XKR4: variants seen among roughly 807,000 people sequenced by gnomAD.
XKR4 encodes the protein XK related 4.
Under a neutral mutation model 53.9 loss-of-function variants are expected in XKR4, and 12 were observed. That is an observed-to-expected ratio of 0.22 (90% CI 0.14 to 0.36). The LOEUF (loss-of-function observed/expected upper bound fraction) is 0.36. Among genes scored for constraint, XKR4 ranks in the 10% least tolerant of loss-of-function variants. XKR4 has a pLI of 1.00. For missense variants in XKR4, 799 were observed against 859.5 expected, an observed-to-expected ratio of 0.93 and a Z score of 0.88; for synonymous variants, 354 against 362.4, an observed-to-expected ratio of 0.98 and a Z score of 0.26.
At chr8:55,337,046 G>C (rs1803471223) in intron 1 of XKR4, among the ~76,000 whole-genome samples, 1 of 152,060 alleles carries the variant, frequency 6.6e-6, no homozygotes, top group African/African-American at 2.4e-5. Flanking sequence ...CTTTATATTT[G>C]GGTCTGAAAC....
chr8:55,321,449 C>G (rs1432527903), intron 1 of XKR4, among the ~76,000 whole-genome samples: 1 of 152,146 alleles, frequency 6.6e-6, no homozygotes, highest in Non-Finnish European at 1.5e-5. Context: ...CAAAACAAAG[C>G]TGTTCTCACG....
At chr8:55,477,780 C>T (rs183003423) in intron 2 of XKR4, among the ~76,000 whole-genome samples, 14 of 151,992 alleles carry the variant, frequency 9.2e-5, no homozygotes, top group South Asian at 4.2e-4. Context: ...GGAGCTGATG[C>T]GATCAACTGG....
At chr8:55,466,322 C>T (rs1349972765) in intron 2 of XKR4, among the ~76,000 whole-genome samples, 1 of 152,018 alleles carries the variant, frequency 6.6e-6, no homozygotes, top group South Asian at 2.1e-4. Flanking sequence ...ATGATGAGTT[C>T]ATGTCCTTTG....
At chr8:55,512,080 AT>A (rs1219299262) in intron 2 of XKR4, among the ~76,000 whole-genome samples, 3 of 152,150 alleles carry the variant, frequency 2.0e-5, no homozygotes, top group Non-Finnish European at 4.4e-5. Context: ...ACTCACTCAA[AT>A]CCATGAAAAA....
chr8:55,368,474 C>A (rs1305173133), intron 2 of XKR4, among the ~76,000 whole-genome samples: 1 of 152,166 alleles, frequency 6.6e-6, no homozygotes, highest in Non-Finnish European at 1.5e-5. Context: ...CCATCAAGGA[C>A]CCTGCATTTG....
Position 55,141,645 on chromosome 8 carries a change from T to TTC in XKR4, c.806+38377_806+38378dup, listed in dbSNP as rs138063196. The stretch of plus-strand genomic sequence containing the variant: ...TTTCTGTCTCTCTTGGTGCTTCTGC[T>TTC]TCTCTCTCTCTCTCTCTCTCTCTCT... On this transcript the variant is annotated intron_variant, in intron 1 of 2. Coordinates refer to ENST00000327381, the MANE Select transcript of XKR4 (RefSeq NM_052898.2). Among the ~76,000 whole-genome samples the TTC allele has an allele frequency of 8.2e-3, 914 of 111,908 alleles. 12 individuals carry two copies. Among genetic ancestry groups the TTC allele is most frequent in the East Asian group, 0.024 (91 of 3,826 alleles). 73.4% of individuals were successfully genotyped at this position (111,908 alleles called of 152,430 possible).
chr8:55,460,943 G>A (rs556029516), intron 2 of XKR4, among the ~76,000 whole-genome samples: 177 of 152,354 alleles, frequency 1.2e-3, no homozygotes, highest in African/African-American at 3.3e-3. Flanking sequence ...AGGGGCACCC[G>A]CCATTGCTCA....
At chr8:55,214,293 G>A (rs543725009) in intron 1 of XKR4, among the ~76,000 whole-genome samples, 9 of 152,150 alleles carry the variant, frequency 5.9e-5, no homozygotes, top group Non-Finnish European at 1.0e-4. Context: ...ATGCTAGATC[G>A]TAAACATGCT....
intron 2 of XKR4, among the ~76,000 whole-genome samples, chr8:55,376,290 T>A (rs1272810279): frequency 1.3e-5 from 2 of 152,218 alleles, no homozygotes; most frequent in African/African-American, 4.8e-5. Flanking sequence ...TTCTAGGTCT[T>A]TGAGGAATCA....
chr8:55,465,671 A>G (rs1462029862), intron 2 of XKR4, among the ~76,000 whole-genome samples: 6 of 152,064 alleles, frequency 3.9e-5, no homozygotes, highest in Admixed American at 6.5e-5. Flanking sequence ...CTGCACAGCA[A>G]AAGAAACCAC....
In XKR4 at chr8:55,540,605, A is replaced by T. The variant is rs1382954634; in HGVS notation, c.*16378A>T. On this transcript the variant is annotated 3_prime_UTR_variant, in exon 3 of 3. Coordinates refer to ENST00000327381, the MANE Select transcript of XKR4 (RefSeq NM_052898.2). ...AGGGAGAGTCGATGAAGGATATGCAAATTACATTTTTCCCATTCTCAGAAC... is the reference window on the plus strand; with the variant it reads ...AGGGAGAGTCGATGAAGGATATGCATATTACATTTTTCCCATTCTCAGAAC... The T allele has an allele frequency of 6.6e-6, 1 of 152,178 alleles. No individual in the cohort carries two copies. Among genetic ancestry groups the T allele is most frequent in the East Asian group, 1.9e-4 (1 of 5,194 alleles). The allele number at this position is 152,178 out of a possible 1,614,324, so 9.4% of individuals were successfully genotyped here. A position where few individuals can be genotyped will look rare whatever the true frequency, so the allele number is the denominator to read the frequency against.
rs972179498 is a variant in XKR4 at position 55,302,600 on chromosome 8, T to C, written c.807-55078T>C. Among the ~76,000 whole-genome samples, 722 of 152,346 alleles carry C rather than the reference T, an allele frequency of 4.7e-3. 4 individuals are homozygous for C. Among genetic ancestry groups the C allele is most frequent in the African/African-American group, 0.016 (656 of 41,582 alleles). ...ATTACCTTGGGCAGTATGGCCATTT[T>C]CATGATATTGATTCTTCCTACCCAT... On this transcript the variant is annotated intron_variant, in intron 1 of 2. Coordinates refer to ENST00000327381, the MANE Select transcript of XKR4 (RefSeq NM_052898.2).
chr8:55,407,257 A>C (rs1172283695), intron 2 of XKR4, among the ~76,000 whole-genome samples: 2 of 152,182 alleles, frequency 1.3e-5, no homozygotes, highest in Admixed American at 6.5e-5. Context: ...TTAGGTTTTT[A>C]AAATGCAGAG....
intron 2 of XKR4, among the ~76,000 whole-genome samples, chr8:55,392,485 G>A (rs989410681): frequency 9.9e-5 from 15 of 152,244 alleles, no homozygotes; most frequent in African/African-American, 2.6e-4. Context: ...AAGTACATTC[G>A]AGTTACTATT....
At chr8:55,450,220 TG>T in intron 2 of XKR4, 3 of 638,364 alleles carry the variant, frequency 4.7e-6, no homozygotes, top group Non-Finnish European at 5.6e-6. Flanking sequence ...GCACCTGCTC[TG>T]GGGAGCGCCT....
At chr8:55,498,264 A>C (rs552455995) in intron 2 of XKR4, among the ~76,000 whole-genome samples, 14 of 152,310 alleles carry the variant, frequency 9.2e-5, no homozygotes, top group African/African-American at 3.1e-4. Context: ...ACCCGGTCCC[A>C]CTGCTAGGGA....
Position 55,440,942 on chromosome 8 carries a change from G to A in XKR4, c.1007-82339G>A, listed in dbSNP as rs188155493. Among the ~76,000 whole-genome samples the A allele has an allele frequency of 3.1e-3, 464 of 151,996 alleles. 3 individuals are homozygous for A. Among genetic ancestry groups the A allele is most frequent in the African/African-American group, 0.01 (420 of 41,466 alleles). On this transcript the variant is annotated intron_variant, in intron 2 of 2. Coordinates refer to ENST00000327381, the MANE Select transcript of XKR4 (RefSeq NM_052898.2). ...TGTCAAATACAACACAGCTAGTCACGGTGGCTCATGCCTGTAATCCCAATA... is the reference window on the plus strand; with the variant it reads ...TGTCAAATACAACACAGCTAGTCACAGTGGCTCATGCCTGTAATCCCAATA...
At chr8:55,186,642 T>A (rs1427251184) in intron 1 of XKR4, among the ~76,000 whole-genome samples, 2 of 151,904 alleles carry the variant, frequency 1.3e-5, no homozygotes, top group Non-Finnish European at 2.9e-5. Flanking sequence ...GGGGACAGAG[T>A]GAGACTCCGT....
At chr8:55,284,684 G>A (rs1818883822) in intron 1 of XKR4, among the ~76,000 whole-genome samples, 1 of 152,106 alleles carries the variant, frequency 6.6e-6, no homozygotes, top group Non-Finnish European at 1.5e-5. Flanking sequence ...ATAGTGATGT[G>A]TCCTATGATG....
Sources: allele counts gnomAD v4.1 joint callset (sites outside exome capture counted in the v4.1 genomes callset), GRCh38; gene constraint gnomAD v4.1.1; transcripts MANE v1.5; gene names NCBI Gene and HGNC (gene_info 2026-07-23, HGNC 2026-07-21).